The following FARP1 variants were observed in gnomAD, a reference collection of about 807,000 sequenced individuals.
The protein encoded by FARP1 is FERM, ARHGEF and pleckstrin domain-containing protein 1.
A neutral mutation model predicts 128.8 loss-of-function variants in FARP1; 52 were observed. The ratio of observed to expected loss-of-function variants is 0.40; its 90% CI spans 0.32 to 0.51. The LOEUF (loss-of-function observed/expected upper bound fraction) is 0.51. Among genes scored for constraint, FARP1 ranks in the 20% least tolerant of loss-of-function variants. FARP1 has a pLI of 0.45. For missense variants in FARP1, 1,333 were observed against 1,367.9 expected (o/e 0.97, Z 0.40); for synonymous variants, 580 against 551.8 (o/e 1.05, Z -0.72).
At chr13:98,359,646 C>T (rs1271942086) in intron 3 of FARP1, among the ~76,000 whole-genome samples, 1 of 152,146 alleles carries the variant, frequency 6.6e-6, no homozygotes, top group Non-Finnish European at 1.5e-5. Flanking sequence ...CTTCACTGTA[C>T]CTTTTCTGTG....
chr13:98,250,488 C>T (rs1334689800), intron 2 of FARP1, among the ~76,000 whole-genome samples: 7 of 152,082 alleles, frequency 4.6e-5, no homozygotes, highest in Admixed American at 2.6e-4. Context: ...TTTGGGAGGC[C>T]GAGGCGGGTG....
At chr13:98,349,503 C>T (rs146413383) in intron 3 of FARP1, among the ~76,000 whole-genome samples, 4,326 of 151,950 alleles carry the variant, frequency 0.028, 218 homozygotes, top group African/African-American at 0.1. Flanking sequence ...GAAACCCCAT[C>T]TCTACTAAAA....
At chr13:98,343,579 C>T (rs1888058536) in intron 2 of FARP1, among the ~76,000 whole-genome samples, 183 bp from the exon 3 acceptor site, 3 of 152,178 alleles carry the variant, frequency 2.0e-5, no homozygotes, top group South Asian at 2.1e-4. Flanking sequence ...ATTTTGGGAA[C>T]AGCAGGTGCT....
chr13:98,385,247 T>G (rs1478785667), intron 7 of FARP1, among the ~76,000 whole-genome samples: 1 of 152,226 alleles, frequency 6.6e-6, no homozygotes, highest in Non-Finnish European at 1.5e-5. Context: ...ATGGTACTTT[T>G]GGTTGTTGTT....
chr13:98,259,314 A>G (rs761877467), intron 2 of FARP1, among the ~76,000 whole-genome samples: 35 of 149,030 alleles, frequency 2.3e-4, no homozygotes, highest in Middle Eastern at 3.4e-3. Flanking sequence ...TATAGAGTGT[A>G]CATATCTATA....
At chr13:98,314,853 G>T (rs540470786) in intron 2 of FARP1, among the ~76,000 whole-genome samples, 1 of 152,338 alleles carries the variant, frequency 6.6e-6, no homozygotes, top group African/African-American at 2.4e-5. Flanking sequence ...GGGGCAGACC[G>T]ATTGTCCTTA....
chr13:98,244,688 A>G (rs1882966180), intron 2 of FARP1: 1 of 1,613,820 alleles, frequency 6.2e-7, no homozygotes, highest in South Asian at 1.1e-5. Flanking sequence ...CAGTCACTGA[A>G]GAGCTTCTTA....
At chr13:98,271,400 T>C (rs1185165915) in intron 2 of FARP1, among the ~76,000 whole-genome samples, 1 of 152,222 alleles carries the variant, frequency 6.6e-6, no homozygotes, top group Non-Finnish European at 1.5e-5. Flanking sequence ...CATATATATA[T>C]TTTTAAATTT....
intron 2 of FARP1, among the ~76,000 whole-genome samples, chr13:98,311,091 A>C (rs1239127465): frequency 6.6e-6 from 1 of 152,260 alleles, no homozygotes; most frequent in African/African-American, 2.4e-5. Context: ...CTTCTTAGTT[A>C]CAGCAGAAAC....
intron 1 of FARP1, among the ~76,000 whole-genome samples, chr13:98,151,712 A>G (rs1289983357): frequency 8.7e-6 from 1 of 114,714 alleles, no homozygotes; most frequent in Admixed American, 1.4e-4. Context: ...CCCAGGCTGG[A>G]GTGCAGTGGC....
rs117240881 is a variant in FARP1, at chr13:98,278,395, A to G, written c.171+64982A>G. On this transcript the variant is annotated intron_variant, in intron 2 of 26. Transcript: ENST00000319562. Reference sequence around the variant, plus strand: ...GTGCGTGTTTGTGTGCACGTTGCATATGTGTGTGAGTGTGCTTGTGTGAGC... The same window carrying G: ...GTGCGTGTTTGTGTGCACGTTGCATGTGTGTGTGAGTGTGCTTGTGTGAGC... 1.1e-3 allele frequency among the ~76,000 whole-genome samples: 170 copies of G among 151,980 alleles called. 2 individuals carry two copies. The East Asian group carries it at 0.029, about 26-fold the overall frequency.
chr13:98,203,336 C>T lies in FARP1; in HGVS notation c.-23-9884C>T, dbSNP rs114425670. ...TTACAGAGTTGGGTGACCATCACCA[C>T]GGTCCAGTTTCAGAACATTTCTATC... On this transcript the variant is annotated intron_variant, in intron 1 of 26. Coordinates refer to ENST00000319562, the MANE Select transcript of FARP1 (RefSeq NM_005766.4). Among the ~76,000 whole-genome samples, 252 of 152,308 alleles carry T rather than the reference C, an allele frequency of 1.7e-3. 1 individual carries two copies. Among genetic ancestry groups the T allele is most frequent in the African/African-American group, 5.8e-3 (240 of 41,560 alleles).
chr13:98,448,322 C>T lies in FARP1; in HGVS notation c.*5C>T, dbSNP rs201631657. 4.1e-5 allele frequency: 66 copies of T among 1,605,456 alleles called. No homozygotes were observed. In the East Asian group the frequency reaches 4.9e-4, roughly 12 times the overall value. On this transcript the variant is annotated 3_prime_UTR_variant, in exon 27 of 27. Coordinates refer to ENST00000319562, the MANE Select transcript of FARP1 (RefSeq NM_005766.4). ...AAAGAGTCTCTTGTGTATTGATGGC[C>T]GGACACACTCGTTTCCGCAGTGGCT...
chr13:98,144,191 C>T (rs557333810), intron 1 of FARP1, among the ~76,000 whole-genome samples: 3 of 151,984 alleles, frequency 2.0e-5, no homozygotes, highest in Admixed American at 2.0e-4. Flanking sequence ...TCCGGCTGGA[C>T]CCCGGAGACT....
chr13:98,395,974 G>A (rs1296928069), intron 13 of FARP1: 17 of 399,104 alleles, frequency 4.3e-5, no homozygotes, highest in Non-Finnish European at 6.6e-5. Context: ...GAGTATGGGA[G>A]AAGACACTCT....
At chr13:98,345,037 C>T (rs1160755399) in intron 3 of FARP1, among the ~76,000 whole-genome samples, 1 of 152,222 alleles carries the variant, frequency 6.6e-6, no homozygotes, top group Non-Finnish European at 1.5e-5. Flanking sequence ...GTTACGGTTT[C>T]CATTCACTAG....
At chr13:98,309,144 T>A (rs1401630162) in intron 2 of FARP1, among the ~76,000 whole-genome samples, 1 of 146,352 alleles carries the variant, frequency 6.8e-6, no homozygotes, top group East Asian at 2.0e-4. Flanking sequence ...AATATTAATT[T>A]TAAGAGGCCT....
intron 21 of FARP1, among the ~76,000 whole-genome samples, 163 bp from the exon 22 acceptor site, chr13:98,439,798 G>T (rs4772080): frequency 0.43 from 65,217 of 152,048 alleles, 14,197 homozygotes; most frequent in East Asian, 0.47. Flanking sequence ...TTTCCGATTT[G>T]GGTTTTTCCA....
chr13:98,372,350 G>T (rs1889383814), intron 5 of FARP1, among the ~76,000 whole-genome samples: 1 of 152,102 alleles, frequency 6.6e-6, no homozygotes, highest in Non-Finnish European at 1.5e-5. Flanking sequence ...CTCCCAAAGT[G>T]CTGGCATTAC....
Sources: gnomAD v4.1 joint callset for allele counts (sites outside exome capture counted in the v4.1 genomes callset) on GRCh38, gnomAD v4.1.1 for gene constraint, MANE v1.5 for transcripts, NCBI Gene and HGNC (gene_info 2026-07-23, HGNC 2026-07-21) for gene names.